The following SMOC2 variants were observed in gnomAD, a reference collection of about 807,000 sequenced individuals.
The protein encoded by SMOC2 is SPARC-related modular calcium-binding protein 2.
Under a neutral mutation model 61.4 loss-of-function variants are expected in SMOC2, and 39 were observed. The observed-to-expected ratio is 0.64, with a 90% CI of 0.49 to 0.83. The LOEUF (loss-of-function observed/expected upper bound fraction) is 0.83. Ranked by LOEUF, SMOC2 falls within the 40% of genes least tolerant of loss-of-function variation. The pLI is 0.00. For synonymous variants in SMOC2, 247 were observed against 239.9 expected, an observed-to-expected ratio of 1.03 and a Z score of -0.27; for missense variants, 556 against 592.9, an observed-to-expected ratio of 0.94 and a Z score of 0.65.
At chr6:168,457,693 G>A (rs114093189) in intron 1 of SMOC2, among the ~76,000 whole-genome samples, 3 of 151,840 alleles carry the variant, frequency 2.0e-5, no homozygotes, top group Middle Eastern at 3.4e-3. Flanking sequence ...ACGAGTACAT[G>A]TGGTGCCGCC....
At chr6:168,447,710 G>T (rs1344940693) in intron 1 of SMOC2, among the ~76,000 whole-genome samples, 1 of 152,026 alleles carries the variant, frequency 6.6e-6, no homozygotes, top group Non-Finnish European at 1.5e-5. Context: ...GGCCTGTGGT[G>T]TGTTTGATCA....
chr6:168,662,522 T>G (rs907050501), intron 11 of SMOC2, among the ~76,000 whole-genome samples: 1 of 152,126 alleles, frequency 6.6e-6, no homozygotes, highest in Non-Finnish European at 1.5e-5. Flanking sequence ...CGGAGTGATG[T>G]GATGCCACAT....
chr6:168,570,452 C>T (rs930816294), intron 7 of SMOC2, among the ~76,000 whole-genome samples: 2 of 152,126 alleles, frequency 1.3e-5, no homozygotes, highest in African/African-American at 4.8e-5. Context: ...TAAAAGCACC[C>T]AACGGCCCAG....
intron 7 of SMOC2, among the ~76,000 whole-genome samples, chr6:168,549,660 GT>G (rs1240350138): frequency 3.3e-5 from 5 of 152,132 alleles, no homozygotes; most frequent in African/African-American, 1.2e-4. Flanking sequence ...CCTTGTAACA[GT>G]GGACCCATGA....
chr6:168,624,632 A>ACACAGAC (rs1176362080), intron 9 of SMOC2, among the ~76,000 whole-genome samples: 2 of 100,228 alleles, frequency 2.0e-5, no homozygotes, highest in Non-Finnish European at 2.2e-5. Flanking sequence ...AGACACAGAC[A>ACACAGAC]ACAGTACAAA....
chr6:168,666,740 G>C lies in SMOC2; in HGVS notation c.*302G>C. 1 of 429,180 alleles carries C rather than the reference G, an allele frequency of 2.3e-6. No individual in the cohort carries two copies. Among genetic ancestry groups the C allele is most frequent in the Non-Finnish European group, 4.3e-6 (1 of 235,120 alleles). 26.6% of individuals were successfully genotyped at this position (429,180 alleles called of 1,614,324 possible). On this transcript the variant is annotated 3_prime_UTR_variant, in exon 13 of 13. Transcript: ENST00000356284. ...CTTCGCCTTCCACATGTTAACAGTA[G>C]AGCTCTATGCACTCCGGCTGCAATC...
intron 8 of SMOC2, 104 bp from the exon 9 acceptor site, chr6:168,608,053 C>T (rs937370616): frequency 5.3e-5 from 52 of 979,392 alleles, no homozygotes; most frequent in Middle Eastern, 2.1e-4. Context: ...CCACAGGTCA[C>T]GGTGTATGCT....
At chr6:168,450,172 A>G (rs1170234869) in intron 1 of SMOC2, among the ~76,000 whole-genome samples, 1 of 152,204 alleles carries the variant, frequency 6.6e-6, no homozygotes, top group African/African-American at 2.4e-5. Flanking sequence ...AAGACAGTCT[A>G]GGCCTCTGTC....
intron 9 of SMOC2, among the ~76,000 whole-genome samples, chr6:168,625,600 G>C (rs1190916077): frequency 6.6e-6 from 1 of 152,180 alleles, no homozygotes; most frequent in East Asian, 1.9e-4. Flanking sequence ...AAACACCTAG[G>C]CCTCCGTCTT....
At chr6:168,616,370 G>T (rs968360062) in intron 9 of SMOC2, among the ~76,000 whole-genome samples, 1 of 152,204 alleles carries the variant, frequency 6.6e-6, no homozygotes. Context: ...TGACCCATGA[G>T]GCTGGGACAA....
At position 168,547,592 on chromosome 6, in the gene SMOC2, C is replaced by T. The variant is rs114021748; in HGVS notation, c.562+423C>T. ...ATGAGGAATATACTTAATGATGAAACGGCAACGGATGGCATAGTAAACATT... is the reference window on the plus strand; with the variant it reads ...ATGAGGAATATACTTAATGATGAAATGGCAACGGATGGCATAGTAAACATT... On this transcript the variant is annotated intron_variant, in intron 6 of 12. Transcript: ENST00000356284. Among the ~76,000 whole-genome samples, 665 of 152,114 alleles carry T rather than the reference C, an allele frequency of 4.4e-3. 2 individuals are homozygous for T. The highest frequency in any genetic ancestry group is 5.6e-3 in the Non-Finnish European group (380 of 68,006).
intron 7 of SMOC2, among the ~76,000 whole-genome samples, chr6:168,556,631 C>G: frequency 6.6e-6 from 1 of 151,822 alleles, no homozygotes; most frequent in East Asian, 1.9e-4. Flanking sequence ...TTTTAGGGTA[C>G]ATGTGCACAA....
At chr6:168,502,027 T>A (rs1171854437) in intron 1 of SMOC2, among the ~76,000 whole-genome samples, 2 of 152,210 alleles carry the variant, frequency 1.3e-5, no homozygotes, top group African/African-American at 4.8e-5. Flanking sequence ...CTCTCTCTTC[T>A]TGAACTTCTA....
chr6:168,618,783 C>T (rs1418576216), intron 9 of SMOC2, among the ~76,000 whole-genome samples: 1 of 152,068 alleles, frequency 6.6e-6, no homozygotes, highest in South Asian at 2.1e-4. Flanking sequence ...AAGGTGACAT[C>T]GTCTCCTGCA....
chr6:168,493,960 A>G (rs1391646590), intron 1 of SMOC2, among the ~76,000 whole-genome samples: 2 of 152,236 alleles, frequency 1.3e-5, no homozygotes, highest in African/African-American at 4.8e-5. Context: ...TCTATGTGGT[A>G]GCCACCTTTC....
chr6:168,665,047 A>C, intron 12 of SMOC2: 2 of 299,544 alleles, frequency 6.7e-6, no homozygotes, highest in South Asian at 5.6e-5. Flanking sequence ...TTGTTTAGCA[A>C]ATGTTTATGG....
intron 9 of SMOC2, among the ~76,000 whole-genome samples, chr6:168,633,845 A>G (rs1040229687): frequency 1.3e-5 from 2 of 152,178 alleles, no homozygotes; most frequent in Non-Finnish European, 2.9e-5. Context: ...TGTAGTTCCC[A>G]TAATCCCCAT....
intron 1 of SMOC2, among the ~76,000 whole-genome samples, chr6:168,481,219 T>C (rs1782198892): frequency 1.3e-5 from 2 of 152,286 alleles, no homozygotes; most frequent in Admixed American, 1.3e-4. Context: ...CTCTACATTT[T>C]GTTTCCTACA....
chr6:168,519,418 C>G (rs1005003622), intron 2 of SMOC2, among the ~76,000 whole-genome samples: 1 of 152,288 alleles, frequency 6.6e-6, no homozygotes, highest in South Asian at 2.1e-4. Flanking sequence ...GTGCTTGTGT[C>G]TTGCAGAAAC....
Sources: gnomAD v4.1 joint callset for allele counts (sites outside exome capture counted in the v4.1 genomes callset) on GRCh38, gnomAD v4.1.1 for gene constraint, MANE v1.5 for transcripts, NCBI Gene and HGNC (gene_info 2026-07-23, HGNC 2026-07-21) for gene names.